The following PEPD variants were observed in gnomAD, a reference collection of about 807,000 sequenced individuals.
PEPD encodes peptidase D.
PEPD carries 53 observed loss-of-function variants against 60.7 expected under a neutral mutation model. The ratio of observed to expected loss-of-function variants is 0.87; its 90% CI spans 0.70 to 1.10. PEPD has a LOEUF of 1.10. Among genes scored for constraint, PEPD ranks in the 50% least tolerant of loss-of-function variants. PEPD has a pLI of 0.00. For missense variants in PEPD, 711 were observed against 711.9 expected, an observed-to-expected ratio of 1.00 and a Z score of 0.01; for synonymous variants, 267 against 284.1, an observed-to-expected ratio of 0.94 and a Z score of 0.60.
intron 5 of PEPD, among the ~76,000 whole-genome samples, chr19:33,492,281 C>G (rs559441527): frequency 6.6e-6 from 1 of 152,150 alleles, no homozygotes; most frequent in East Asian, 1.9e-4. Context: ...TCAGTCACTG[C>G]GCCCCACACC....
intron 4 of PEPD, among the ~76,000 whole-genome samples, chr19:33,499,424 C>A (rs139498733): frequency 1.3e-5 from 2 of 152,326 alleles, no homozygotes; most frequent in East Asian, 3.9e-4. Context: ...CATGTGGTCA[C>A]CTCCTGCACT....
chr19:33,510,216 G>A (rs1425442066), intron 3 of PEPD, among the ~76,000 whole-genome samples: 1 of 152,250 alleles, frequency 6.6e-6, no homozygotes, highest in African/African-American at 2.4e-5. Context: ...ATGAGTGGAG[G>A]AACACCAGGG....
At chr19:33,388,147 A>C (rs1210974808) in intron 13 of PEPD, 66 bp from the exon 14 acceptor site, 1 of 1,357,912 alleles carries the variant, frequency 7.4e-7, no homozygotes, top group Admixed American at 2.0e-5. Context: ...TCATCAGGAG[A>C]GATGGGCATG....
Position 33,490,056 on chromosome 19 carries a change from C to T in PEPD, c.443G>A (p.Arg148His), listed in dbSNP as rs1437936452. ...ACTGCCGCTGTCCGTGTTGACGCCA[C>T]GCTGGGGAGAGAGAACACAGACATG... Reference protein sequence around the residue: ...SQKPSVLLTLRGVNTDSGSVC... With the variant: ...SQKPSVLLTLHGVNTDSGSVC... The change falls in exon 6 of 15, where the codon CGT becomes CAT. Residue 148 changes from arginine (R) to histidine (H), a missense_variant and splice_region_variant. Arg to His is a conservative substitution (Grantham distance 29, BLOSUM62 0). Transcript: ENST00000244137. 28 of 1,611,198 alleles carry T rather than the reference C, an allele frequency of 1.7e-5. No homozygotes were observed. The highest frequency in any genetic ancestry group is 2.2e-5 in the East Asian group (1 of 44,850).
chr19:33,509,709 T>A (rs1970884602), intron 3 of PEPD, among the ~76,000 whole-genome samples: 1 of 152,212 alleles, frequency 6.6e-6, no homozygotes, highest in Non-Finnish European at 1.5e-5. Flanking sequence ...TAGCCCAGAA[T>A]AATCACTCTC....
At chr19:33,520,400 T>A (rs187455278) in intron 1 of PEPD, among the ~76,000 whole-genome samples, 111 of 152,340 alleles carry the variant, frequency 7.3e-4, no homozygotes, top group African/African-American at 2.5e-3. Context: ...GTCTCATTGC[T>A]GAAGGACTAG....
At chr19:33,394,383 G>A (rs928119882) in intron 12 of PEPD, among the ~76,000 whole-genome samples, 16 of 152,346 alleles carry the variant, frequency 1.1e-4, no homozygotes, top group South Asian at 2.1e-4. Flanking sequence ...GCCCGGCGCC[G>A]CCCAGATGTG....
intron 2 of PEPD, among the ~76,000 whole-genome samples, chr19:33,512,125 G>A (rs1190921654): frequency 6.6e-6 from 1 of 152,198 alleles, no homozygotes; most frequent in Non-Finnish European, 1.5e-5. Flanking sequence ...TCAGGCTCCA[G>A]CTCTGGGCAT....
At chr19:33,418,836 G>C (rs748426428) in intron 9 of PEPD, among the ~76,000 whole-genome samples, 11 of 152,338 alleles carry the variant, frequency 7.2e-5, no homozygotes, top group Non-Finnish European at 1.6e-4. Context: ...ATGAGCAAGA[G>C]GCATTCACGT....
chr19:33,508,452 C>T (rs187999927), intron 3 of PEPD, among the ~76,000 whole-genome samples: 22 of 152,370 alleles, frequency 1.4e-4, no homozygotes, highest in Middle Eastern at 3.4e-3. Context: ...GACTCCAACA[C>T]TTAGTGGAGT....
chr19:33,407,125 G>A (rs564988748), intron 11 of PEPD, among the ~76,000 whole-genome samples: 5 of 152,318 alleles, frequency 3.3e-5, no homozygotes, highest in African/African-American at 9.6e-5. Flanking sequence ...CTCTGCGAGG[G>A]GCCACAGTAG....
chr19:33,435,785 C>T (rs1312991968), intron 9 of PEPD, among the ~76,000 whole-genome samples: 1 of 152,120 alleles, frequency 6.6e-6, no homozygotes, highest in Middle Eastern at 3.2e-3. Context: ...CCGTGCAGCC[C>T]AACCCACGCT....
chr19:33,424,676 T>C (rs1310860250), intron 9 of PEPD, among the ~76,000 whole-genome samples: 1 of 151,988 alleles, frequency 6.6e-6, no homozygotes, highest in Non-Finnish European at 1.5e-5. Context: ...CCGGTATTCG[T>C]CCATTTTCAA....
chr19:33,504,750 A>C (rs1182636915), intron 3 of PEPD, among the ~76,000 whole-genome samples: 1 of 151,286 alleles, frequency 6.6e-6, no homozygotes, highest in Non-Finnish European at 1.5e-5. Flanking sequence ...TGAGATCAAA[A>C]CTCTGTCTCA....
rs1310238664 is a variant in PEPD, at chr19:33,391,454, G to A, written c.993C>T (p.Arg331=). 5.1e-6 allele frequency: 8 copies of A among 1,553,446 alleles called. No individual in the cohort carries two copies. The highest frequency in any genetic ancestry group is 7.0e-6 in the Non-Finnish European group (8 of 1,148,902). The change falls in exon 13 of 15, where the codon CGC becomes CGT. Residue 331 remains arginine, a synonymous_variant. Coordinates refer to ENST00000244137, the MANE Select transcript of PEPD (RefSeq NM_000285.4). ...CCTCCAGGTGGATGCGGTCAGCCAG[G>A]CGGTGCATGTCAGGCCACCAGACAC... ...KPGVWWPDMH[R]LADRIHLEEL...
intron 7 of PEPD, among the ~76,000 whole-genome samples, chr19:33,468,700 C>CAGCG (rs1309880538): frequency 6.6e-6 from 1 of 152,214 alleles, no homozygotes; most frequent in Non-Finnish European, 1.5e-5. Context: ...CCCTGCAGCG[C>CAGCG]AGCGACACCT....
chr19:33,411,248 A>T lies in PEPD; in HGVS notation c.818+424T>A, dbSNP rs563386665. ...CTGCAGCAGGAGGATGGCAGGTTTC[A>T]GAGCGTGGGAGGCTCCCTGCGGTCT... is the stretch of plus-strand genomic sequence containing the variant. On this transcript the variant is annotated intron_variant, in intron 11 of 14. Coordinates refer to ENST00000244137, the MANE Select transcript of PEPD (RefSeq NM_000285.4). Among the ~76,000 whole-genome samples the T allele has an allele frequency of 1.4e-4, 22 of 152,270 alleles. 2 individuals carry two copies. In the South Asian group the frequency reaches 2.3e-3, roughly 16 times the overall value.
At position 33,401,884 on chromosome 19, in the gene PEPD, A is replaced by C; in HGVS notation, c.819-15T>G. ...TGTCGAACAGGCTGCGGAGAGAGGA[A>C]GGCAGGGCAAGTGGGTACTGGGGTG... On this transcript the variant is annotated splice_polypyrimidine_tract_variant and intron_variant, in intron 11 of 14. Transcript: ENST00000244137. 1 of 1,612,346 alleles carries C rather than the reference A, an allele frequency of 6.2e-7. No individual in the cohort carries two copies. Among genetic ancestry groups the C allele is most frequent in the South Asian group, 1.1e-5 (1 of 90,998 alleles).
chr19:33,434,791 C>A (rs1015590801), intron 9 of PEPD, among the ~76,000 whole-genome samples: 1 of 152,222 alleles, frequency 6.6e-6, no homozygotes, highest in East Asian at 1.9e-4. Flanking sequence ...GGGCCAGAAC[C>A]CAGCCAGGTG....
Sources: allele counts gnomAD v4.1 joint callset (sites outside exome capture counted in the v4.1 genomes callset), GRCh38; gene constraint gnomAD v4.1.1; transcripts MANE v1.5; gene names NCBI Gene and HGNC (gene_info 2026-07-23, HGNC 2026-07-21).